HK1: variants seen among roughly 807,000 people sequenced by gnomAD.
HK1 encodes the protein hexokinase-1.
A neutral mutation model predicts 91.6 loss-of-function variants in HK1; 28 were observed. The observed-to-expected ratio is 0.31, with a 90% CI of 0.23 to 0.42. HK1 has a LOEUF of 0.42. HK1 is among the 10% of genes least tolerant of loss of function. The pLI is 1.00. For missense variants in HK1, 770 were observed against 1,219.8 expected (o/e 0.63, Z 5.49); for synonymous variants, 430 against 468.1 (o/e 0.92, Z 1.05).
intron 15 of HK1, among the ~76,000 whole-genome samples, chr10:69,393,285 T>C (rs1197973500): frequency 6.6e-6 from 1 of 151,330 alleles, no homozygotes; most frequent in Non-Finnish European, 1.5e-5. Context: ...CCAGCCCTTA[T>C]AGTCTTTTTC....
At chr10:69,318,461 T>C (rs1041988112), upstream of HK1, among the ~76,000 whole-genome samples, 7 of 152,242 alleles carry the variant, frequency 4.6e-5, no homozygotes, top group African/African-American at 1.7e-4. Context: ...CCTAGGGGCT[T>C]CTCGTCCCGG....
At chr10:69,286,167 T>C (rs1300236546) in intron 2 of HK1, among the ~76,000 whole-genome samples, 1 of 152,134 alleles carries the variant, frequency 6.6e-6, no homozygotes, top group Non-Finnish European at 1.5e-5. Flanking sequence ...CCATATAGCA[T>C]AATAAGGAGA....
intron 1 of HK1, among the ~76,000 whole-genome samples, chr10:69,334,933 G>A (rs1847903416): frequency 6.6e-6 from 1 of 152,158 alleles, no homozygotes; most frequent in Non-Finnish European, 1.5e-5. Context: ...GGTGAGTTGG[G>A]AGGTGAGCTT....
At chr10:69,319,125 G>A (rs578133021) in intron 1 of HK1, 115 bp downstream of exon 1, 1 of 1,216,168 alleles carries the variant, frequency 8.2e-7, no homozygotes, top group East Asian at 2.5e-5. Context: ...GGCCAGCATC[G>A]AGTTGGACTG....
At chr10:69,309,919 G>A (rs1459019655) in intron 5 of HK1, among the ~76,000 whole-genome samples, 11 of 150,146 alleles carry the variant, frequency 7.3e-5, no homozygotes, top group South Asian at 4.2e-4. Context: ...GTGTTGTGGC[G>A]CATGCCTGTA....
intron 1 of HK1, among the ~76,000 whole-genome samples, chr10:69,330,299 A>G (rs1482798631): frequency 6.6e-6 from 1 of 152,194 alleles, no homozygotes; most frequent in Non-Finnish European, 1.5e-5. Context: ...GTTCTGTTTC[A>G]TTTATAAAAT....
intron 1 of HK1, chr10:69,338,746 T>A (rs555234449): frequency 8.7e-5 from 100 of 1,149,232 alleles, no homozygotes; most frequent in Admixed American, 1.7e-4. Flanking sequence ...TGTGTGAGAG[T>A]GTGTGTGTGT....
At chr10:69,357,946 T>C (rs1429068758) in intron 2 of HK1, among the ~76,000 whole-genome samples, 1 of 152,168 alleles carries the variant, frequency 6.6e-6, no homozygotes, top group African/African-American at 2.4e-5. Flanking sequence ...ACTCCGAATA[T>C]ACTAAAAACC....
At chr10:69,373,790 T>G (rs77853461) in intron 7 of HK1, among the ~76,000 whole-genome samples, 2 of 151,940 alleles carry the variant, frequency 1.3e-5, no homozygotes, top group Non-Finnish European at 2.9e-5. Context: ...TGGGTCTCCC[T>G]ATGTTGCCCA....
chr10:69,279,699 T>C (rs1020642010), intron 1 of HK1, among the ~76,000 whole-genome samples: 1 of 152,180 alleles, frequency 6.6e-6, no homozygotes, highest in African/African-American at 2.4e-5. Flanking sequence ...ATCAGTCAAG[T>C]CATAAATGCA....
rs1478405449 is a variant in HK1 at position 69,382,670 on chromosome 10, G to A, written c.1449G>A (p.Met483Ile). The A allele has an allele frequency of 3.1e-6, 5 of 1,613,870 alleles. No homozygotes were observed. The African/African-American group carries it at 6.7e-5, about 22-fold the overall frequency. The change falls in exon 10 of 18, where the codon ATG (methionine) becomes ATA (isoleucine). Residue 483 changes from methionine (M) to isoleucine (I), a missense_variant. Met to Ile is a conservative substitution (Grantham distance 10). Transcript: ENST00000359426. ...TLAHFHLTKD[M>I]LLEVKKRMRA... ...CTCATTTCCACCTCACCAAGGACAT[G>A]CTGCTGGAGGTGAAGAAGAGGATGC...
At chr10:69,362,459 TA>T (rs1269108262) in intron 3 of HK1, among the ~76,000 whole-genome samples, 1 of 149,332 alleles carries the variant, frequency 6.7e-6, no homozygotes, top group Non-Finnish European at 1.5e-5. Flanking sequence ...TTTAAGACAC[TA>T]AAGCTTTGAG....
At chr10:69,345,113 G>T (rs1320817873) in intron 2 of HK1, among the ~76,000 whole-genome samples, 1 of 152,148 alleles carries the variant, frequency 6.6e-6, no homozygotes, top group Non-Finnish European at 1.5e-5. Flanking sequence ...GCTGGTTGCA[G>T]CAGGAAAAGA....
intron 13 of HK1, among the ~76,000 whole-genome samples, chr10:69,388,414 T>C (rs1324779530): frequency 1.3e-5 from 2 of 150,988 alleles, no homozygotes; most frequent in Non-Finnish European, 3.0e-5. Context: ...GGTAGTACAC[T>C]CCAGCCTGGG....
chr10:69,380,210 G>T lies in HK1; in HGVS notation c.1265+115G>T. ...TTTTTCGGCAGACAAGACAATGGTGGTCGGGGGCTGTGGCTCATGCCTGTA... is the reference window on the plus strand; with the variant it reads ...TTTTTCGGCAGACAAGACAATGGTGTTCGGGGGCTGTGGCTCATGCCTGTA... On this transcript the variant is annotated intron_variant, in intron 9 of 17. Transcript: ENST00000359426. This position sits in a 1 kb window ranked among gnomAD's most constrained non-coding sequence, Gnocchi z 4.0. 1.2e-6 allele frequency: 1 copy of T among 831,080 alleles called. No individual in the cohort carries two copies. The highest frequency in any genetic ancestry group is 2.0e-6 in the Non-Finnish European group (1 of 495,268). 51.5% of individuals were successfully genotyped at this position (831,080 alleles called of 1,614,324 possible). A position where few individuals can be genotyped will look rare whatever the true frequency, so the allele number is the denominator to read the frequency against.
chr10:69,385,332 T>C (rs868711332), intron 12 of HK1, among the ~76,000 whole-genome samples: 10 of 152,208 alleles, frequency 6.6e-5, no homozygotes, highest in South Asian at 2.1e-4. Flanking sequence ...AATAAATGTT[T>C]GTTCAATATA....
chr10:69,342,260 C>T (rs753494740), intron 1 of HK1, among the ~76,000 whole-genome samples: 3 of 152,152 alleles, frequency 2.0e-5, no homozygotes, highest in Admixed American at 1.3e-4. Context: ...TCTCTCTATC[C>T]AGTGGGAGCC....
In HK1 at chr10:69,369,024, C is replaced by G. The variant is rs1466172843; in HGVS notation, c.592-213C>G. The stretch of plus-strand genomic sequence containing the variant: ...GTAAAATCCCCACTACCCAAAGACT[C>G]TTAAGCCAGGTAATTAAGGAAACTG... On this transcript the variant is annotated intron_variant, in intron 5 of 17. Transcript: ENST00000359426. This position sits in a 1 kb window ranked among gnomAD's most constrained non-coding sequence, Gnocchi z 4.4. Among the ~76,000 whole-genome samples, 1 of 152,206 alleles carries G rather than the reference C, an allele frequency of 6.6e-6. No homozygotes were observed. Among genetic ancestry groups the G allele is most frequent in the African/African-American group, 2.4e-5 (1 of 41,444 alleles).
intron 1 of HK1, among the ~76,000 whole-genome samples, chr10:69,281,345 C>G (rs1056451529): frequency 6.6e-6 from 1 of 152,202 alleles, no homozygotes; most frequent in Non-Finnish European, 1.5e-5. Context: ...GGACGGGGAC[C>G]AAGCCAGCCC....
Sources: gnomAD v4.1 joint callset for allele counts (sites outside exome capture counted in the v4.1 genomes callset) on GRCh38, gnomAD v4.1.1 for gene constraint, Gnocchi (gnomAD v3.1) non-coding constraint, MANE v1.5 for transcripts, NCBI Gene and HGNC (gene_info 2026-07-23, HGNC 2026-07-21) for gene names.